The following SPDYE5 variants were observed in gnomAD, a reference collection of about 807,000 sequenced individuals.
SPDYE5 encodes speedy/RINGO cell cycle regulator family member E5, also known as speedy protein E5.
SPDYE5 carries 15 observed loss-of-function variants against 48.5 expected under a neutral mutation model. That is an observed-to-expected ratio of 0.31 (90% confidence interval 0.21 to 0.48). The LOEUF is 0.48. Ranked by LOEUF, SPDYE5 falls within the 20% of genes least tolerant of loss-of-function variation. The pLI, the probability that SPDYE5 is intolerant of heterozygous loss-of-function variation, is 0.99. For synonymous variants in SPDYE5, 116 were observed against 200.7 expected (o/e 0.58, Z 3.57); for missense variants, 331 against 549.1 (o/e 0.60, Z 3.97).
chr7:75,495,601 A>G (rs1254460959), intron 3 of SPDYE5, among the ~76,000 whole-genome samples: 2 of 152,268 alleles, frequency 1.3e-5, no homozygotes, highest in Non-Finnish European at 2.9e-5. Flanking sequence ...GTTTCGGGCC[A>G]GGTGCAGTGG....
At chr7:75,498,865 GGC>G (rs1793039417) in intron 5 of SPDYE5, among the ~76,000 whole-genome samples, 1 of 151,738 alleles carries the variant, frequency 6.6e-6, no homozygotes, top group Non-Finnish European at 1.5e-5. Context: ...CTGAGCTCTG[GGC>G]CACAGTCTGG....
upstream of SPDYE5, among the ~76,000 whole-genome samples, chr7:75,492,077 C>G (rs1281301162): frequency 6.6e-6 from 1 of 152,114 alleles, no homozygotes; most frequent in South Asian, 2.1e-4. Context: ...TGTAGTGTGT[C>G]TAGACAAGGT....
Position 75,493,873 on chromosome 7 carries a change from G to A in SPDYE5, c.-175G>A, listed in dbSNP as rs1584734969. On this transcript the variant is annotated 5_prime_UTR_variant, in exon 2 of 9. The change abolishes an upstream ATG in the 5' untranslated region. Coordinates refer to ENST00000625065, the MANE Select transcript of SPDYE5 (RefSeq NM_001306141.4). ...TTCAAACTGGTTGCCAGGTTGGCAT[G>A]AGCGATGACATCAGAGATTCCGACC... 10 of 1,444,498 alleles carry A rather than the reference G, an allele frequency of 6.9e-6. No homozygotes were observed. The highest frequency in any genetic ancestry group is 5.7e-5 in the African/African-American group (4 of 70,042). 89.5% of individuals were successfully genotyped at this position (1,444,498 alleles called of 1,614,324 possible). A position where few individuals can be genotyped will look rare whatever the true frequency, so the allele number is the denominator to read the frequency against.
chr7:75,497,433 AAAATAAATTAAT>A (rs1478010634), intron 4 of SPDYE5, among the ~76,000 whole-genome samples: 1 of 151,036 alleles, frequency 6.6e-6, no homozygotes, highest in Non-Finnish European at 1.5e-5. Flanking sequence ...ACTCTGTCTC[AAAATAAATTAAT>A]AAATAAATAA....
In SPDYE5 at chr7:75,503,667, T is replaced by C. The variant is rs1291574346; in HGVS notation, c.*880T>C. The C allele has an allele frequency of 1.3e-5, 2 of 150,598 alleles. No individual in the cohort carries two copies. The highest frequency in any genetic ancestry group is 2.4e-5 in the African/African-American group (1 of 41,406). The allele number at this position is 150,598 out of a possible 1,614,324, so 9.3% of individuals were successfully genotyped here. Reference sequence around the variant, plus strand: ...TTGTGACTGAATTGTGAGAATTCAGTTGTGATTTTTAACATGTCTCAGATA... The same window carrying C: ...TTGTGACTGAATTGTGAGAATTCAGCTGTGATTTTTAACATGTCTCAGATA... On this transcript the variant is annotated 3_prime_UTR_variant, in exon 9 of 9. Coordinates refer to ENST00000625065, the MANE Select transcript of SPDYE5 (RefSeq NM_001306141.4).
chr7:75,503,048 T>A lies in SPDYE5; in HGVS notation c.*261T>A, dbSNP rs1278274934. 8.1e-6 allele frequency: 4 copies of A among 491,368 alleles called. No homozygotes were observed. In the Admixed American group the frequency reaches 8.5e-5, roughly 10 times the overall value. 30.4% of individuals were successfully genotyped at this position (491,368 alleles called of 1,614,324 possible). On this transcript the variant is annotated 3_prime_UTR_variant, in exon 9 of 9. Transcript: ENST00000625065. ...CCTTCTAGGAGTCCTTGGAGAAAAG[T>A]AAGAAACCAGGAGTGTTTCCAGTTC... is the stretch of plus-strand genomic sequence containing the variant.
Position 75,502,922 on chromosome 7 carries a change from T to C in SPDYE5, c.*135T>C. The C allele has an allele frequency of 1.1e-6, 1 of 904,112 alleles. No homozygotes were observed. The highest frequency in any genetic ancestry group is 5.3e-5 in the East Asian group (1 of 18,976). 56.0% of individuals were successfully genotyped at this position (904,112 alleles called of 1,614,324 possible). A position where few individuals can be genotyped will look rare whatever the true frequency, so the allele number is the denominator to read the frequency against. On this transcript the variant is annotated 3_prime_UTR_variant, in exon 9 of 9. Coordinates refer to ENST00000625065, the MANE Select transcript of SPDYE5 (RefSeq NM_001306141.4). Reference sequence around the variant, plus strand: ...ACCAGGAAGGAGGAGAGGAACCATTTGTGCAGATCATCTAGAAGAACCTGG... The same window carrying C: ...ACCAGGAAGGAGGAGAGGAACCATTCGTGCAGATCATCTAGAAGAACCTGG...
At chr7:75,502,237 C>T (rs374022969) in intron 8 of SPDYE5, among the ~76,000 whole-genome samples, 123,358 of 136,218 alleles carry the variant, frequency 0.91, 55,959 homozygotes, top group East Asian at 0.96. Flanking sequence ...CACTCCAGCC[C>T]GGGCGACAGA....
intron 8 of SPDYE5, among the ~76,000 whole-genome samples, chr7:75,502,287 G>C (rs782126268): frequency 6.5e-5 from 9 of 138,564 alleles, no homozygotes; most frequent in South Asian, 2.4e-4. Context: ...ATACTGAGTT[G>C]GGGGAGGTTC....
chr7:75,502,084 C>T (rs1308340281), intron 8 of SPDYE5, 102 bp downstream of exon 8: 18 of 1,364,814 alleles, frequency 1.3e-5, no homozygotes, highest in East Asian at 7.4e-5. Context: ...GGCAACGTGG[C>T]GAGATCCCCT....
chr7:75,503,875 C>T lies in SPDYE5; in HGVS notation c.*1088C>T, dbSNP rs1245288654. ...AAATACTGCTATTTTTGAATAGATG[C>T]TGTTTCTATAAAGCTGTGTGATGGG... On this transcript the variant is annotated 3_prime_UTR_variant, in exon 9 of 9. Transcript: ENST00000625065. 80 of 151,114 alleles carry T rather than the reference C, an allele frequency of 5.3e-4. No individual in the cohort carries two copies. Among genetic ancestry groups the T allele is most frequent in the African/African-American group, 1.9e-3 (79 of 41,290 alleles). The allele number at this position is 151,114 out of a possible 1,614,324, so 9.4% of individuals were successfully genotyped here. A position where few individuals can be genotyped will look rare whatever the true frequency, so the allele number is the denominator to read the frequency against.
intron 3 of SPDYE5, among the ~76,000 whole-genome samples, chr7:75,495,617 G>A (rs1292068294): frequency 2.6e-5 from 4 of 152,186 alleles, no homozygotes; most frequent in Admixed American, 6.5e-5. Context: ...AGTGGCTCAC[G>A]CCTGAGATCC....
chr7:75,500,558 C>T (rs1793106455), intron 6 of SPDYE5, among the ~76,000 whole-genome samples: 1 of 151,414 alleles, frequency 6.6e-6, no homozygotes, highest in African/African-American at 2.4e-5. Context: ...TTTTTTGAGA[C>T]AGACTTCCCC....
Position 75,501,364 on chromosome 7 carries a change from A to C in SPDYE5, c.758A>C (p.Tyr253Ser). 1 of 1,612,126 alleles carries C rather than the reference A, an allele frequency of 6.2e-7. No homozygotes were observed. The highest frequency in any genetic ancestry group is 2.2e-5 in the East Asian group (1 of 44,858). The change falls in exon 7 of 9, where the codon TAC becomes TCC. Residue 253 changes from tyrosine (Y) to serine (S), a missense_variant and splice_region_variant. Physicochemically the swap from Tyr to Ser is moderately radical, Grantham distance 144. This residue lies in a region of SPDYE5 where 16 missense variants were observed against 58.2 expected (regional missense o/e 0.27). Transcript: ENST00000625065. ...AGCAACCTGATTTCTGTCCTCAGCT[A>C]CCTGGCCAATGACATGGAGGAGGAC... is the stretch of plus-strand genomic sequence containing the variant. ...YQRIHFFLAL[Y>S]LANDMEEDDE...
At chr7:75,496,414 A>C (rs1401128170) in intron 3 of SPDYE5, among the ~76,000 whole-genome samples, 909 of 122,224 alleles carry the variant, frequency 7.4e-3, no homozygotes, top group Middle Eastern at 0.012. Context: ...CAAAAAAAAA[A>C]AAAAAAAAAA....
rs1361409589 is a variant in SPDYE5 at position 75,503,942 on chromosome 7, CT to C, written c.*1160del. ...TACACATACGTATAATTTTGCTTTC[CT>C]TTTTAAGAGAGGATTCTTTTCATCC... is the stretch of plus-strand genomic sequence containing the variant. On this transcript the variant is annotated 3_prime_UTR_variant, in exon 9 of 9. Transcript: ENST00000625065. 4.0e-5 allele frequency: 6 copies of C among 151,638 alleles called. No homozygotes were observed. The East Asian group carries it at 1.2e-3, about 29-fold the overall frequency. 9.4% of individuals were successfully genotyped at this position (151,638 alleles called of 1,614,324 possible).
At chr7:75,500,536 A>C (rs1184501235) in intron 6 of SPDYE5, among the ~76,000 whole-genome samples, 1 of 151,100 alleles carries the variant, frequency 6.6e-6, no homozygotes, top group Non-Finnish European at 1.5e-5. Flanking sequence ...CAATGTATTC[A>C]ATTTCTTTTA....
intron 8 of SPDYE5, 122 bp from the exon 9 acceptor site, chr7:75,502,711 G>A (rs1793199701): frequency 1.7e-6 from 2 of 1,152,018 alleles, no homozygotes; most frequent in African/African-American, 1.7e-5. Flanking sequence ...TAGAATGAAA[G>A]GCAGCAGATA....
At chr7:75,499,762 T>G (rs1554483147) in intron 6 of SPDYE5, among the ~76,000 whole-genome samples, 3 of 78,294 alleles carry the variant, frequency 3.8e-5, no homozygotes, top group Non-Finnish European at 5.1e-5. Context: ...GTGAGACTTT[T>G]TCTCAAAAAA....
Sources: allele counts gnomAD v4.1 joint callset (sites outside exome capture counted in the v4.1 genomes callset), GRCh38; gene constraint gnomAD v4.1.1; regional missense constraint gnomAD v4.1.1; transcripts MANE v1.5; gene names NCBI Gene and HGNC (gene_info 2026-07-23, HGNC 2026-07-21).